Variants in FILIP1L observed in about 807,000 individuals in gnomAD.
FILIP1L encodes the protein filamin A-interacting protein 1-like.
FILIP1L carries 55 observed loss-of-function variants against 96.6 expected under a neutral mutation model. That is an observed-to-expected ratio of 0.57 (90% CI 0.46 to 0.71). The LOEUF (loss-of-function observed/expected upper bound fraction) is 0.71. Among genes scored for constraint, FILIP1L ranks in the 30% least tolerant of loss-of-function variants. The pLI is 0.00. For synonymous variants in FILIP1L, 467 were observed against 473.9 expected, an observed-to-expected ratio of 0.99 and a Z score of 0.19; for missense variants, 1,304 against 1,321.2, an observed-to-expected ratio of 0.99 and a Z score of 0.20.
At chr3:99,902,333 T>C (rs1314268180) in intron 4 of FILIP1L, among the ~76,000 whole-genome samples, 1 of 152,182 alleles carries the variant, frequency 6.6e-6, no homozygotes, top group Non-Finnish European at 1.5e-5. Flanking sequence ...TGAATAGATA[T>C]CTGTTGAATT....
chr3:99,848,063 A>G (rs1943447680), intron 5 of FILIP1L: 2 of 1,298,368 alleles, frequency 1.5e-6, no homozygotes, highest in Non-Finnish European at 2.0e-6. Context: ...AATATTTTCC[A>G]TACAAGTATG....
chr3:100,000,306 G>A (rs1233119422), intron 1 of FILIP1L, among the ~76,000 whole-genome samples: 4 of 152,140 alleles, frequency 2.6e-5, no homozygotes, highest in African/African-American at 9.7e-5. Flanking sequence ...GTCCCTCAAA[G>A]TATTTACTAC....
At chr3:99,854,434 T>C (rs1403814967) in intron 4 of FILIP1L, among the ~76,000 whole-genome samples, 1 of 152,184 alleles carries the variant, frequency 6.6e-6, no homozygotes, top group Non-Finnish European at 1.5e-5. Flanking sequence ...GGTGCAGAAC[T>C]CTGCAGATCT....
intron 1 of FILIP1L, among the ~76,000 whole-genome samples, chr3:100,113,717 G>T (rs187136081): frequency 3.9e-5 from 6 of 152,216 alleles, no homozygotes; most frequent in Non-Finnish European, 7.4e-5. Flanking sequence ...AAGAAGGAAA[G>T]CCATTTATCC....
At chr3:99,860,310 C>A (rs1944179773) in intron 4 of FILIP1L, among the ~76,000 whole-genome samples, 1 of 152,016 alleles carries the variant, frequency 6.6e-6, no homozygotes, top group Non-Finnish European at 1.5e-5. Flanking sequence ...TTACTAGGCC[C>A]CCCAGAGGTC....
chr3:99,995,317 C>G (rs967193407), intron 1 of FILIP1L, among the ~76,000 whole-genome samples: 1 of 152,222 alleles, frequency 6.6e-6, no homozygotes, highest in Non-Finnish European at 1.5e-5. Context: ...CCTTTATCCC[C>G]AGGTCTCACA....
At chr3:99,938,256 G>C (rs551946507) in intron 1 of FILIP1L, among the ~76,000 whole-genome samples, 30 of 152,326 alleles carry the variant, frequency 2.0e-4, no homozygotes, top group Admixed American at 4.6e-4. Context: ...TGCATGAAAT[G>C]AACTGAGTAT....
At position 99,848,323 on chromosome 3, in the gene FILIP1L, G is replaced by A; in HGVS notation, c.3353C>T (p.Thr1118Ile). 1 of 1,614,150 alleles carries A rather than the reference G, an allele frequency of 6.2e-7. No homozygotes were observed. The highest frequency in any genetic ancestry group is 8.5e-7 in the Non-Finnish European group (1 of 1,179,994). ...AATTTGTGATTGTCGAGGAAGAGGT[G>A]TGGCTGTTGGTGTGATAGTAATACT... ...TSSITITPTA[T>I]PLPRQSQITI... is the part of the protein sequence containing the mutation. Residue 1118 changes from threonine (T) to isoleucine (I), a missense_variant, in exon 5 of 6, where the codon ACA (threonine) becomes ATA (isoleucine). Coordinates refer to ENST00000477258, the MANE Select transcript of FILIP1L (RefSeq NM_001387850.1).
intron 1 of FILIP1L, among the ~76,000 whole-genome samples, chr3:99,983,460 GTGTGTATATATATATATATA>G (rs1416567491): frequency 9.4e-4 from 65 of 69,470 alleles, no homozygotes; most frequent in East Asian, 4.7e-3. Flanking sequence ...ATATATATAT[GTGTGTATATATATATATATA>G]TATATATATA....
intron 4 of FILIP1L, among the ~76,000 whole-genome samples, chr3:99,922,107 G>T (rs1443447924): frequency 6.6e-6 from 1 of 152,114 alleles, no homozygotes; most frequent in Non-Finnish European, 1.5e-5. Context: ...AAGCCCCCTG[G>T]GCAGGGACAG....
chr3:100,021,940 TGTGTGTGTGTGTGTGTGTGTGAGA>T (rs1388398844), intron 1 of FILIP1L, among the ~76,000 whole-genome samples: 4 of 127,346 alleles, frequency 3.1e-5, no homozygotes, highest in Admixed American at 1.7e-4. Flanking sequence ...TGTGTGTGTG[TGTGTGTGTGTGTGTGTGTGTGAGA>T]GAGAGAGAGA....
intron 1 of FILIP1L, among the ~76,000 whole-genome samples, chr3:100,020,920 A>G (rs2064803486): frequency 4.6e-5 from 7 of 152,106 alleles, no homozygotes; most frequent in Admixed American, 4.6e-4. Context: ...GGCATGCGCC[A>G]TCATGCCCAG....
intron 1 of FILIP1L, among the ~76,000 whole-genome samples, chr3:100,056,519 C>A (rs1484523477): frequency 6.6e-6 from 1 of 152,152 alleles, no homozygotes; most frequent in East Asian, 1.9e-4. Flanking sequence ...CTAGAGATAT[C>A]ATTAACATTT....
intron 4 of FILIP1L, among the ~76,000 whole-genome samples, chr3:99,896,261 A>G (rs1200290145): frequency 6.6e-6 from 1 of 152,226 alleles, no homozygotes; most frequent in African/African-American, 2.4e-5. Flanking sequence ...GAAACAGTGA[A>G]TGGAAACTAT....
intron 1 of FILIP1L, among the ~76,000 whole-genome samples, chr3:100,037,778 T>A (rs539240956): frequency 2.6e-5 from 4 of 152,264 alleles, no homozygotes; most frequent in African/African-American, 9.6e-5. Flanking sequence ...GTTTAAATGT[T>A]TTTGAGGAAA....
Position 99,849,983 on chromosome 3 carries a change from C to T in FILIP1L, c.1693G>A (p.Asp565Asn), listed in dbSNP as rs1252534089. Residue 565 changes from aspartate (D) to asparagine (N), a missense_variant, in exon 5 of 6, where the codon GAT becomes AAT. Asp to Asn is a conservative substitution (Grantham distance 23). Coordinates refer to ENST00000477258, the MANE Select transcript of FILIP1L (RefSeq NM_001387850.1). ...EKMYSVTKER[D>N]DLKNKLKAEE... ...GCTTTCAATTTGTTTTTTAAATCAT[C>T]TCTCTCCTTGGTTACGCTGTACATC... 1 of 1,612,118 alleles carries T rather than the reference C, an allele frequency of 6.2e-7. No homozygotes were observed. The highest frequency in any genetic ancestry group is 8.5e-7 in the Non-Finnish European group (1 of 1,179,580).
chr3:99,939,834 T>G (rs1336794034), intron 1 of FILIP1L, among the ~76,000 whole-genome samples: 3 of 152,242 alleles, frequency 2.0e-5, no homozygotes, highest in Non-Finnish European at 4.4e-5. Flanking sequence ...TCTTCAATAA[T>G]TTTAGTTTAC....
chr3:99,975,858 T>C (rs1049015799), intron 1 of FILIP1L, among the ~76,000 whole-genome samples: 1 of 152,200 alleles, frequency 6.6e-6, no homozygotes, highest in African/African-American at 2.4e-5. Flanking sequence ...ATATTTTCTT[T>C]GGGCTAGCAA....
At chr3:99,841,791 T>G (rs532668570) in intron 5 of FILIP1L, among the ~76,000 whole-genome samples, 1 of 152,280 alleles carries the variant, frequency 6.6e-6, no homozygotes, top group East Asian at 1.9e-4. Flanking sequence ...CAATACCACC[T>G]TACTCCTGCA....
Sources: allele counts gnomAD v4.1 joint callset (sites outside exome capture counted in the v4.1 genomes callset), GRCh38; gene constraint gnomAD v4.1.1; transcripts MANE v1.5; gene names NCBI Gene and HGNC (gene_info 2026-07-23, HGNC 2026-07-21).